Variants in POLA1 observed in about 807,000 individuals in gnomAD.
POLA1 encodes the protein DNA polymerase alpha 1, catalytic subunit, also known as DNA polymerase alpha catalytic subunit.
In POLA1, 15 loss-of-function variants were observed where a neutral mutation model predicts 124.0. The observed-to-expected ratio is 0.12, with a 90% CI of 0.08 to 0.19. The LOEUF (loss-of-function observed/expected upper bound fraction) is 0.19. Ranked by LOEUF, POLA1 falls within the 10% of genes least tolerant of loss-of-function variation. The pLI is 1.00. For missense variants in POLA1, 886 were observed against 1,103.4 expected, an observed-to-expected ratio of 0.80 and a Z score of 2.79; for synonymous variants, 408 against 389.4, an observed-to-expected ratio of 1.05 and a Z score of -0.56.
intron 32 of POLA1, among the ~76,000 whole-genome samples, chrX:24,838,701 G>A (rs1482847932): frequency 9.0e-6 from 1 of 111,411 alleles, no homozygotes; most frequent in Non-Finnish European, 1.9e-5. Flanking sequence ...CAGTAATAAA[G>A]ATTTTGCTTT....
At chrX:24,956,728 G>T (rs764160929) in intron 36 of POLA1, among the ~76,000 whole-genome samples, 1 of 111,787 alleles carries the variant, frequency 8.9e-6, no homozygotes, top group Non-Finnish European at 1.9e-5. Flanking sequence ...TAGAATTTTG[G>T]CAATCATTCA....
intron 34 of POLA1, among the ~76,000 whole-genome samples, chrX:24,871,398 C>G (rs1352684814): frequency 1.8e-5 from 2 of 111,480 alleles, no homozygotes; most frequent in African/African-American, 3.3e-5. Context: ...TTGAGAGCCA[C>G]TGCTGTAGAC....
chrX:24,978,081 CT>C (rs2048384964), intron 36 of POLA1, among the ~76,000 whole-genome samples: 1 of 111,925 alleles, frequency 8.9e-6, no homozygotes, highest in Non-Finnish European at 1.9e-5. Context: ...TTTCTTTTGT[CT>C]TTTAAAAAGT....
intron 15 of POLA1, among the ~76,000 whole-genome samples, chrX:24,729,348 C>A (rs760284993): frequency 9.0e-6 from 1 of 111,408 alleles, no homozygotes; most frequent in African/African-American, 3.3e-5. Flanking sequence ...TCAGATGTCC[C>A]CGGGTCAGGG....
rs750863152 is a variant in POLA1 at position 24,827,083 on chromosome X, A to G, written c.3736+482A>G. Among the ~76,000 whole-genome samples, 8 of 111,754 alleles carry G rather than the reference A, an allele frequency of 7.2e-5. No homozygotes were observed. The South Asian group carries it at 2.3e-3, about 32-fold the overall frequency. On this transcript the variant is annotated intron_variant, in intron 32 of 36. Transcript: ENST00000379068. Reference sequence around the variant, plus strand: ...CAATTCATTGTGAGAATCCTACTCTATAAGTTATTCTAAAAATGGACCCAC... The same window carrying G: ...CAATTCATTGTGAGAATCCTACTCTGTAAGTTATTCTAAAAATGGACCCAC...
At chrX:24,870,608 G>T (rs2046851723) in intron 34 of POLA1, among the ~76,000 whole-genome samples, 1 of 111,687 alleles carries the variant, frequency 9.0e-6, no homozygotes, top group African/African-American at 3.3e-5. Flanking sequence ...TGCTTATGCA[G>T]CCATGTCAAA....
intron 32 of POLA1, among the ~76,000 whole-genome samples, chrX:24,835,087 A>G (rs371599261): frequency 8.0e-4 from 84 of 104,974 alleles, no homozygotes; most frequent in African/African-American, 2.8e-3. Context: ...TCACTCTGTC[A>G]CCCAGGCTGG....
At chrX:24,758,442 A>C (rs1932722976) in intron 26 of POLA1, among the ~76,000 whole-genome samples, 1 of 111,968 alleles carries the variant, frequency 8.9e-6, no homozygotes, top group East Asian at 2.8e-4. Context: ...GTTGGAAACT[A>C]GCATATCTCT....
At chrX:24,751,433 C>G (rs1200373675) in intron 26 of POLA1, among the ~76,000 whole-genome samples, 1 of 112,043 alleles carries the variant, frequency 8.9e-6, no homozygotes, top group Non-Finnish European at 1.9e-5. Context: ...ACCCTGTTCT[C>G]TCCACTAAAA....
chrX:24,915,130 A>T (rs2047512741), intron 35 of POLA1, among the ~76,000 whole-genome samples: 1 of 111,625 alleles, frequency 9.0e-6, no homozygotes, highest in South Asian at 3.8e-4. Context: ...CCTGCAGATG[A>T]CTGAAGGCTC....
intron 13 of POLA1, 88 bp downstream of exon 13, chrX:24,726,143 A>G (rs1437258483): frequency 1.8e-6 from 1 of 566,364 alleles, no homozygotes; most frequent in Non-Finnish European, 3.0e-6. Context: ...AGTTACGAGT[A>G]TTGGCAGGGC....
At chrX:24,806,055 T>G (rs1388426012) in intron 26 of POLA1, among the ~76,000 whole-genome samples, 7 of 7,275 alleles carry the variant, frequency 9.6e-4, no homozygotes, top group Non-Finnish European at 2.9e-3. Flanking sequence ...GGTATGAGGT[T>G]TTTTTTTTTT....
At chrX:24,930,342 A>C in intron 35 of POLA1, 111 bp from the exon 36 acceptor site, 1 of 528,100 alleles carries the variant, frequency 1.9e-6, no homozygotes, top group Non-Finnish European at 3.2e-6. Flanking sequence ...TTCTTTAAAA[A>C]ATGCTGCTTG....
intron 36 of POLA1, among the ~76,000 whole-genome samples, chrX:24,983,043 C>T (rs2048439710): frequency 8.9e-6 from 1 of 112,229 alleles, no homozygotes; most frequent in African/African-American, 3.2e-5. Context: ...ACTCAGACTT[C>T]TGGGCTGCCT....
chrX:24,917,837 T>A (rs2047555600), intron 35 of POLA1, among the ~76,000 whole-genome samples: 2 of 111,627 alleles, frequency 1.8e-5, no homozygotes, highest in African/African-American at 6.5e-5. Flanking sequence ...CTTAATGAAA[T>A]AGGAGGATAT....
chrX:24,995,608 C>T (rs973670250), intron 36 of POLA1, among the ~76,000 whole-genome samples, 197 bp from the exon 37 acceptor site: 1 of 111,512 alleles, frequency 9.0e-6, no homozygotes, highest in South Asian at 3.8e-4. Context: ...TGCTGAGAGG[C>T]GGACAGACAG....
At chrX:24,898,867 AAG>A (rs2047239289) in intron 35 of POLA1, among the ~76,000 whole-genome samples, 1 of 111,604 alleles carries the variant, frequency 9.0e-6, no homozygotes, top group Non-Finnish European at 1.9e-5. Context: ...AATGATTCAA[AAG>A]AGGAGTGGTG....
rs764096430 is a variant in POLA1, at chrX:24,713,600, A to G, written c.347-954A>G. On this transcript the variant is annotated intron_variant, in intron 4 of 36. Transcript: ENST00000379068. Reference sequence around the variant, plus strand: ...CCTGGCTAATTTTTTGTATTTTAGTAGAGATGGGGTTTCACCATGTTGGCC... The same window carrying G: ...CCTGGCTAATTTTTTGTATTTTAGTGGAGATGGGGTTTCACCATGTTGGCC... Among the ~76,000 whole-genome samples the G allele has an allele frequency of 9.0e-5, 10 of 110,721 alleles. No individual in the cohort carries two copies. In the South Asian group the frequency reaches 3.8e-3, roughly 43 times the overall value.
intron 36 of POLA1, among the ~76,000 whole-genome samples, chrX:24,952,105 G>A (rs763929769): frequency 1.8e-5 from 2 of 111,618 alleles, no homozygotes; most frequent in Non-Finnish European, 3.8e-5. Flanking sequence ...GCTGACATTA[G>A]ACCATTTTTT....
Sources: allele counts gnomAD v4.1 joint callset (sites outside exome capture counted in the v4.1 genomes callset), GRCh38; gene constraint gnomAD v4.1.1; transcripts MANE v1.5; gene names NCBI Gene and HGNC (gene_info 2026-07-23, HGNC 2026-07-21).